TAX1BP1: variants seen among roughly 807,000 people sequenced by gnomAD.
TAX1BP1 encodes Tax1 binding protein 1, also known as tax1-binding protein 1.
TAX1BP1 carries 62 observed loss-of-function variants against 97.7 expected under a neutral mutation model. That is an observed-to-expected ratio of 0.63 (90% CI 0.52 to 0.78). TAX1BP1 has a LOEUF of 0.78. Among genes scored for constraint, TAX1BP1 ranks in the 30% least tolerant of loss-of-function variants. TAX1BP1 has a pLI of 0.00. For missense variants in TAX1BP1, 867 were observed against 916.1 expected (o/e 0.95, Z 0.69); for synonymous variants, 340 against 304.2 (o/e 1.12, Z -1.23).
intron 2 of TAX1BP1, among the ~76,000 whole-genome samples, chr7:27,750,006 GT>G (rs1340907801): frequency 6.6e-6 from 1 of 152,068 alleles, no homozygotes. Flanking sequence ...GCCTAGGCTG[GT>G]TTTAACTTCC....
intron 9 of TAX1BP1, among the ~76,000 whole-genome samples, chr7:27,792,781 G>A (rs1458002416): frequency 6.6e-6 from 1 of 152,016 alleles, no homozygotes; most frequent in Non-Finnish European, 1.5e-5. Flanking sequence ...GGGCAACATA[G>A]TGAGACCTCA....
At chr7:27,768,026 A>G (rs923805720) in intron 4 of TAX1BP1, among the ~76,000 whole-genome samples, 1 of 151,882 alleles carries the variant, frequency 6.6e-6, no homozygotes, top group Non-Finnish European at 1.5e-5. Context: ...GTGGACCTTG[A>G]TTGTGTCCTA....
intron 4 of TAX1BP1, among the ~76,000 whole-genome samples, chr7:27,766,289 AG>A (rs1788632557): frequency 6.6e-6 from 1 of 151,918 alleles, no homozygotes; most frequent in Non-Finnish European, 1.5e-5. Context: ...GCGTGGTGGC[AG>A]GCACCTGTAG....
intron 3 of TAX1BP1, among the ~76,000 whole-genome samples, chr7:27,764,115 A>G (rs1788532312): frequency 6.6e-6 from 1 of 152,232 alleles, no homozygotes; most frequent in Admixed American, 6.5e-5. Context: ...TTACATGACC[A>G]TGGTACATTT....
At chr7:27,742,370 T>G (rs1787651815) in intron 1 of TAX1BP1, among the ~76,000 whole-genome samples, 1 of 152,204 alleles carries the variant, frequency 6.6e-6, no homozygotes, top group African/African-American at 2.4e-5. Context: ...GGAGTGGTGA[T>G]GACTCTTAAG....
In TAX1BP1 at chr7:27,769,720, G is replaced by A. The variant is rs530715505; in HGVS notation, c.498G>A (p.Lys166=). The A allele has an allele frequency of 3.1e-6, 5 of 1,612,104 alleles. No individual in the cohort carries two copies. In the African/African-American group the frequency reaches 5.3e-5, roughly 17 times the overall value. Residue 166 remains lysine, a synonymous_variant, in exon 5 of 17, where the codon AAG becomes AAA. Transcript: ENST00000396319. Reference sequence around the variant, plus strand: ...TGAAAGAAAAAGAAGAACTGTTAAAGTTAATTGCCGTTCTGGAAAAAGAAA... The same window carrying A: ...TGAAAGAAAAAGAAGAACTGTTAAAATTAATTGCCGTTCTGGAAAAAGAAA... ...KTMKEKEELL[K]LIAVLEKETA... is the part of the protein sequence containing the mutation.
chr7:27,806,527 G>A (rs1790346725), intron 13 of TAX1BP1, among the ~76,000 whole-genome samples: 1 of 152,116 alleles, frequency 6.6e-6, no homozygotes. Flanking sequence ...TTATGTCAGT[G>A]ATTTGAGATA....
intron 1 of TAX1BP1, among the ~76,000 whole-genome samples, chr7:27,744,346 C>T (rs1006562544): frequency 6.6e-5 from 10 of 152,100 alleles, no homozygotes; most frequent in African/African-American, 2.4e-4. Flanking sequence ...AGGATGGTCT[C>T]GATCTCCTGA....
At chr7:27,784,605 A>T (rs534486179) in intron 5 of TAX1BP1, among the ~76,000 whole-genome samples, 1 of 152,010 alleles carries the variant, frequency 6.6e-6, no homozygotes, top group South Asian at 2.1e-4. Context: ...AATTTTTAAA[A>T]TTTTTTTCTC....
intron 13 of TAX1BP1, among the ~76,000 whole-genome samples, chr7:27,808,725 C>T (rs918028457): frequency 6.6e-6 from 1 of 152,194 alleles, no homozygotes; most frequent in Non-Finnish European, 1.5e-5. Context: ...CTGGCAAAGG[C>T]AACCAGCTAA....
Position 27,791,916 on chromosome 7 carries a change from G to T in TAX1BP1, c.1039-90G>T. The stretch of plus-strand genomic sequence containing the variant: ...TAGAAAAACCAATATCTAAAATTTT[G>T]GCCCTGTTGAAATATGTGCGAAAAT... On this transcript the variant is annotated intron_variant, in intron 8 of 16. Coordinates refer to ENST00000396319, the MANE Select transcript of TAX1BP1 (RefSeq NM_006024.7). 4 of 1,127,942 alleles carry T rather than the reference G, an allele frequency of 3.5e-6. No homozygotes were observed. The East Asian group carries it at 7.6e-5, about 21-fold the overall frequency. 69.9% of individuals were successfully genotyped at this position (1,127,942 alleles called of 1,614,324 possible).
At chr7:27,810,012 A>G (rs60811898) in intron 13 of TAX1BP1, among the ~76,000 whole-genome samples, 6,252 of 151,904 alleles carry the variant, frequency 0.041, 404 homozygotes, top group African/African-American at 0.14. Flanking sequence ...GGTTCAAGCA[A>G]TTCTCCTGCT....
intron 16 of TAX1BP1, among the ~76,000 whole-genome samples, chr7:27,828,140 T>A (rs1035078194): frequency 4.6e-5 from 7 of 152,222 alleles, no homozygotes; most frequent in African/African-American, 9.6e-5. Flanking sequence ...AATGCACCAA[T>A]GATCTTGCTG....
At chr7:27,779,679 C>G (rs895956555) in intron 5 of TAX1BP1, among the ~76,000 whole-genome samples, 1 of 152,126 alleles carries the variant, frequency 6.6e-6, no homozygotes, top group African/African-American at 2.4e-5. Context: ...CAAAGAAACC[C>G]AACAGTGTAA....
intron 2 of TAX1BP1, among the ~76,000 whole-genome samples, chr7:27,751,861 C>G (rs907427122): frequency 6.6e-6 from 1 of 151,958 alleles, no homozygotes; most frequent in East Asian, 1.9e-4. Flanking sequence ...CCATGTTGCC[C>G]GGGCTGGTCT....
chr7:27,828,886 ACC>A lies in TAX1BP1; in HGVS notation c.*58_*59del. ...CAGTAAAAAAAAAAAAAAAAACCAC[ACC>A]TAAAATAGACCACTGAGGAGACCAT... is the stretch of plus-strand genomic sequence containing the variant. On this transcript the variant is annotated 3_prime_UTR_variant, in exon 17 of 17. Transcript: ENST00000396319. 6.9e-6 allele frequency: 9 copies of A among 1,302,354 alleles called. No homozygotes were observed. The highest frequency in any genetic ancestry group is 1.3e-5 in the South Asian group (1 of 74,526). The allele number at this position is 1,302,354 out of a possible 1,614,324, so 80.7% of individuals were successfully genotyped here. A position where few individuals can be genotyped will look rare whatever the true frequency, so the allele number is the denominator to read the frequency against.
chr7:27,803,507 A>G (rs1259038837), intron 13 of TAX1BP1, among the ~76,000 whole-genome samples: 1 of 152,244 alleles, frequency 6.6e-6, no homozygotes, highest in African/African-American at 2.4e-5. Flanking sequence ...AGGGGCCTGC[A>G]AAGAAACAAT....
In TAX1BP1 at chr7:27,806,155, G is replaced by C. The variant is rs964598797; in HGVS notation, c.1764+6065G>C. Among the ~76,000 whole-genome samples the C allele has an allele frequency of 2.7e-5, 4 of 150,368 alleles. No individual in the cohort carries two copies. The East Asian group carries it at 7.9e-4, about 30-fold the overall frequency. Reference sequence around the variant, plus strand: ...GGCAACAGTGCAGTGGCACTAGCTCGACTCACTACAACCTTTGCCTCTCAG... The same window carrying C: ...GGCAACAGTGCAGTGGCACTAGCTCCACTCACTACAACCTTTGCCTCTCAG... On this transcript the variant is annotated intron_variant, in intron 13 of 16. Coordinates refer to ENST00000396319, the MANE Select transcript of TAX1BP1 (RefSeq NM_006024.7).
rs748280177 is a variant in TAX1BP1, at chr7:27,800,103, C to T, written c.1764+13C>T. Reference sequence around the variant, plus strand: ...GGACAATTATAAAGTAAGTTTGGTACTCCTTGTATGTAAACTTAAGGCATA... The same window carrying T: ...GGACAATTATAAAGTAAGTTTGGTATTCCTTGTATGTAAACTTAAGGCATA... On this transcript the variant is annotated intron_variant, in intron 13 of 16. Coordinates refer to ENST00000396319, the MANE Select transcript of TAX1BP1 (RefSeq NM_006024.7). The T allele has an allele frequency of 2.6e-6, 4 of 1,560,876 alleles. No individual in the cohort carries two copies. The highest frequency in any genetic ancestry group is 3.5e-6 in the Non-Finnish European group (4 of 1,155,632).
Sources: gnomAD v4.1 joint callset for allele counts (sites outside exome capture counted in the v4.1 genomes callset) on GRCh38, gnomAD v4.1.1 for gene constraint, MANE v1.5 for transcripts, NCBI Gene and HGNC (gene_info 2026-07-23, HGNC 2026-07-21) for gene names.